The following NUP210L variants were observed in gnomAD, a reference collection of about 807,000 sequenced individuals.
NUP210L encodes the protein nucleoporin 210 like, also known as nuclear pore membrane glycoprotein 210-like.
In NUP210L, 74 loss-of-function variants were observed where a neutral mutation model predicts 208.5. The observed-to-expected ratio is 0.35, with a 90% CI of 0.29 to 0.43. The LOEUF is 0.43. Ranked by LOEUF, NUP210L falls within the 20% of genes least tolerant of loss-of-function variation. The pLI is 1.00. For missense variants in NUP210L, 1,843 were observed against 2,289.4 expected, an observed-to-expected ratio of 0.81 and a Z score of 3.98; for synonymous variants, 780 against 816.9, an observed-to-expected ratio of 0.95 and a Z score of 0.77.
Position 154,125,364 on chromosome 1 carries a change from C to T in NUP210L, c.1326+959G>A, listed in dbSNP as rs552915183. On this transcript the variant is annotated intron_variant, in intron 10 of 39. Coordinates refer to ENST00000368559, the Ensembl canonical transcript of NUP210L. ...ACACAGGAGGCTGAGGTAGGAGAAT[C>T]GCTTGAACCCAGGAAGCAGAGGTTG... Among the ~76,000 whole-genome samples, 14 of 151,488 alleles carry T rather than the reference C, an allele frequency of 9.2e-5. No individual in the cohort carries two copies. The East Asian group carries it at 1.6e-3, about 17-fold the overall frequency.
At chr1:154,059,713 C>T (rs1654041324) in intron 20 of NUP210L, among the ~76,000 whole-genome samples, 1 of 152,088 alleles carries the variant, frequency 6.6e-6, no homozygotes, top group African/African-American at 2.4e-5. Context: ...AGTTCCTGCA[C>T]AATAGCATGT....
At chr1:154,052,721 C>T (rs993586384) in intron 25 of NUP210L, among the ~76,000 whole-genome samples, 18 of 152,104 alleles carry the variant, frequency 1.2e-4, no homozygotes, top group Admixed American at 8.5e-4. Context: ...GGCATATTGC[C>T]CTCAAAAACC....
At chr1:154,060,415 G>T in intron 20 of NUP210L, 125 bp downstream of exon 20, 1 of 646,580 alleles carries the variant, frequency 1.5e-6, no homozygotes, top group Non-Finnish European at 2.7e-6. Context: ...ATCTATATAG[G>T]TTAAAGAAAG....
intron 16 of NUP210L, among the ~76,000 whole-genome samples, chr1:154,072,238 T>C (rs752312579): frequency 1.8e-4 from 28 of 152,066 alleles, no homozygotes; most frequent in Non-Finnish European, 4.0e-4. Context: ...GTTTACATTT[T>C]GACCAGCAGC....
At chr1:154,140,126 A>G (rs555632212) in intron 4 of NUP210L, among the ~76,000 whole-genome samples, 174 bp from the exon 5 acceptor site, 80 of 151,250 alleles carry the variant, frequency 5.3e-4, no homozygotes, top group African/African-American at 1.9e-3. Context: ...CAAGGCGGGC[A>G]CATCACTTGA....
At chr1:154,124,893 A>T (rs958389727) in intron 10 of NUP210L, among the ~76,000 whole-genome samples, 4 of 152,132 alleles carry the variant, frequency 2.6e-5, no homozygotes, top group African/African-American at 9.7e-5. Flanking sequence ...TCGAGGCTGC[A>T]GGTAAGCTAT....
At chr1:154,135,604 G>C (rs1323546197) in intron 7 of NUP210L, among the ~76,000 whole-genome samples, 1 of 151,990 alleles carries the variant, frequency 6.6e-6, no homozygotes, top group African/African-American at 2.4e-5. Context: ...AGTATTTTTA[G>C]TAGAGTCAGG....
chr1:154,035,113 T>G (rs1490685812), intron 27 of NUP210L, among the ~76,000 whole-genome samples: 1 of 152,198 alleles, frequency 6.6e-6, no homozygotes, highest in African/African-American at 2.4e-5. Flanking sequence ...GTGCTGGGAT[T>G]ACAGGCGTGA....
intron 37 of NUP210L, among the ~76,000 whole-genome samples, chr1:153,998,708 C>CTTTTTTT (rs34457474): frequency 1.8e-5 from 2 of 109,836 alleles, no homozygotes; most frequent in African/African-American, 3.8e-5. Context: ...TCTAGAGATC[C>CTTTTTTT]TTTTTTTTTT....
intron 29 of NUP210L, among the ~76,000 whole-genome samples, chr1:154,027,080 C>CAAAAAAAAAAAAAAAAA (rs59626984): frequency 2.0e-5 from 2 of 101,752 alleles, no homozygotes; most frequent in South Asian, 3.2e-4. Flanking sequence ...GAGACTGTCT[C>CAAAAAAAAAAAAAAAAA]AAAAAAAAAA....
intron 2 of NUP210L, among the ~76,000 whole-genome samples, chr1:154,148,020 G>A (rs1243965950): frequency 6.8e-6 from 1 of 146,532 alleles, no homozygotes. Flanking sequence ...AGCACTCTGG[G>A]GGGCCGAGGT....
intron 16 of NUP210L, among the ~76,000 whole-genome samples, chr1:154,079,090 G>T (rs1655182946): frequency 6.6e-6 from 1 of 151,926 alleles, no homozygotes. Context: ...CACAAAACCA[G>T]CCTGGGCAAA....
intron 27 of NUP210L, among the ~76,000 whole-genome samples, chr1:154,045,766 A>G (rs954897978): frequency 2.0e-5 from 3 of 152,092 alleles, no homozygotes; most frequent in Admixed American, 2.0e-4. Flanking sequence ...TGGATCACCT[A>G]AGCTCAGGAG....
At chr1:154,077,711 G>A (rs1207604153) in intron 16 of NUP210L, among the ~76,000 whole-genome samples, 2 of 152,128 alleles carry the variant, frequency 1.3e-5, no homozygotes, top group African/African-American at 4.8e-5. Flanking sequence ...ATGGCCGGGT[G>A]CGGTGGTCCA....
At chr1:154,100,859 A>G (rs1656435017) in intron 13 of NUP210L, among the ~76,000 whole-genome samples, 1 of 151,904 alleles carries the variant, frequency 6.6e-6, no homozygotes, top group Non-Finnish European at 1.5e-5. Flanking sequence ...ATGAAAATAT[A>G]AGAATTTTAA....
At chr1:154,098,748 T>C (rs192746846) in intron 14 of NUP210L, among the ~76,000 whole-genome samples, 124 of 152,220 alleles carry the variant, frequency 8.1e-4, no homozygotes, top group African/African-American at 2.8e-3. Context: ...CCCACTCTGG[T>C]CTGCGGGACT....
intron 2 of NUP210L, among the ~76,000 whole-genome samples, chr1:154,148,412 A>G (rs1303756504): frequency 2.6e-5 from 4 of 152,178 alleles, no homozygotes; most frequent in African/African-American, 9.6e-5. Context: ...GATACCGGGA[A>G]GCAAAGGTTG....
intron 27 of NUP210L, among the ~76,000 whole-genome samples, chr1:154,038,446 G>A (rs917293701): frequency 7.9e-5 from 12 of 151,462 alleles, no homozygotes; most frequent in South Asian, 4.2e-4. Flanking sequence ...AGGTTCAAGC[G>A]ATTCTCCTGC....
At chr1:153,992,898 C>A (rs1557897792) in exon 40 of NUP210L, 1 of 1,613,362 alleles carries the variant, frequency 6.2e-7, no homozygotes, top group Non-Finnish European at 8.5e-7. Context: ...GTTGTAGACT[C>A]ATGAAGTGAG....
Sources: gnomAD v4.1 joint callset for allele counts (sites outside exome capture counted in the v4.1 genomes callset) on GRCh38, gnomAD v4.1.1 for gene constraint, MANE v1.5 for transcripts, NCBI Gene and HGNC (gene_info 2026-07-23, HGNC 2026-07-21) for gene names.